The following PHYH variants were observed in gnomAD, a reference collection of about 807,000 sequenced individuals.
The protein encoded by PHYH is phytanoyl-CoA 2-hydroxylase.
Under a neutral mutation model 38.5 loss-of-function variants are expected in PHYH, and 32 were observed. The ratio of observed to expected loss-of-function variants is 0.83; its 90% CI spans 0.63 to 1.12. The LOEUF (loss-of-function observed/expected upper bound fraction) is 1.12. Among genes scored for constraint, PHYH ranks in the 50% most tolerant of loss-of-function variants. PHYH has a pLI of 0.00. For missense variants in PHYH, 426 were observed against 434.8 expected (o/e 0.98, Z 0.18); for synonymous variants, 166 against 157.9 (o/e 1.05, Z -0.38).
At chr10:13,282,994 C>T (rs199669169) in intron 7 of PHYH, among the ~76,000 whole-genome samples, 60 of 79,706 alleles carry the variant, frequency 7.5e-4, no homozygotes, top group African/African-American at 3.2e-3. Context: ...GTGATTTTTT[C>T]TTTTTTAGTA....
intron 2 of PHYH, among the ~76,000 whole-genome samples, chr10:13,297,229 T>C (rs941908977): frequency 2.8e-4 from 43 of 152,158 alleles, no homozygotes; most frequent in African/African-American, 1.0e-3. Flanking sequence ...ATTGTATATT[T>C]TTAACTGTCC....
At chr10:13,291,788 C>A in intron 5 of PHYH, 43 bp downstream of exon 5, 1 of 1,353,412 alleles carries the variant, frequency 7.4e-7, no homozygotes, top group African/African-American at 1.4e-5. Flanking sequence ...CAACCTTACA[C>A]ATTTTAATGA....
chr10:13,280,957 C>T lies in PHYH; in HGVS notation c.963+19G>A, dbSNP rs1299040981. On this transcript the variant is annotated intron_variant, in intron 8 of 8. Transcript: ENST00000263038. ...AGAAAAACCTGAGATTTTTACCTTG[C>T]TATTGTATACAAACATACCTTCAAG... 1.2e-6 allele frequency: 2 copies of T among 1,611,774 alleles called. No homozygotes were observed. The highest frequency in any genetic ancestry group is 1.7e-6 in the Non-Finnish European group (2 of 1,178,020).
At chr10:13,287,058 C>T (rs547909502) in intron 6 of PHYH, among the ~76,000 whole-genome samples, 2 of 152,196 alleles carry the variant, frequency 1.3e-5, no homozygotes, top group African/African-American at 4.8e-5. Flanking sequence ...AAAAGCTCTT[C>T]AGCCAGGTGT....
chr10:13,284,661 A>G (rs1337697274), intron 6 of PHYH, among the ~76,000 whole-genome samples: 1 of 152,210 alleles, frequency 6.6e-6, no homozygotes, highest in Non-Finnish European at 1.5e-5. Context: ...CACTTATGTT[A>G]CATCCAGAAT....
chr10:13,291,000 G>A (rs1001953283), intron 5 of PHYH, among the ~76,000 whole-genome samples: 2 of 150,898 alleles, frequency 1.3e-5, no homozygotes, highest in Non-Finnish European at 2.9e-5. Context: ...GGGAGACTGA[G>A]GCAGGAGAAT....
chr10:13,295,395 C>T, intron 3 of PHYH, 101 bp downstream of exon 3: 2 of 743,010 alleles, frequency 2.7e-6, no homozygotes, highest in South Asian at 2.9e-5. Context: ...CAAACCAAAT[C>T]ATTAAAAAAC....
chr10:13,295,336 A>G (rs1301392674), intron 3 of PHYH, 160 bp downstream of exon 3: 5 of 607,672 alleles, frequency 8.2e-6, no homozygotes, highest in Non-Finnish European at 1.5e-5. Flanking sequence ...TCTATAAAAA[A>G]TAAAAAGCCA....
intron 5 of PHYH, among the ~76,000 whole-genome samples, chr10:13,290,608 A>C (rs1022067917): frequency 6.6e-6 from 1 of 152,004 alleles, no homozygotes; most frequent in African/African-American, 2.4e-5. Context: ...TCTGCACTAC[A>C]ATCTCTGGAC....
At chr10:13,298,878 G>C (rs1023132478) in intron 1 of PHYH, among the ~76,000 whole-genome samples, 1 of 145,434 alleles carries the variant, frequency 6.9e-6, no homozygotes, top group African/African-American at 2.5e-5. Context: ...TGCAGAGTGC[G>C]GCACTGCACT....
chr10:13,283,153 C>A (rs1250908857), intron 7 of PHYH, among the ~76,000 whole-genome samples: 1 of 31,284 alleles, frequency 3.2e-5, no homozygotes, highest in Non-Finnish European at 5.6e-5. Context: ...TTTTTTGAGA[C>A]GGAGTCTCGC....
rs367762012 is a variant in PHYH at position 13,294,445 on chromosome 10, A to G, written c.397T>C (p.Tyr133His). The G allele has an allele frequency of 2.8e-5, 45 of 1,614,014 alleles. No individual in the cohort carries two copies. Among genetic ancestry groups the G allele is most frequent in the Admixed American group, 3.3e-5 (2 of 59,992 alleles). Residue 133 changes from tyrosine to histidine, a missense_variant, in exon 4 of 9, where the codon TAC (tyrosine) becomes CAC (histidine). By Grantham distance (83) the Tyr-to-His change is moderately conservative. Coordinates refer to ENST00000263038, the MANE Select transcript of PHYH (RefSeq NM_006214.4). ...TCTCTGACCTCGGGGAGAGTGCAGT[A>G]TCTGAAGAGCTCCTTATCTTCCTGG... ...DFQEDKELFR[Y>H]CTLPEILKYV...
intron 2 of PHYH, among the ~76,000 whole-genome samples, chr10:13,296,564 G>GAAAAA (rs1219238482): frequency 5.9e-5 from 4 of 68,266 alleles, no homozygotes; most frequent in Non-Finnish European, 9.4e-5. Flanking sequence ...CTCCATCTCA[G>GAAAAA]AAAAAAAAAA....
intron 2 of PHYH, among the ~76,000 whole-genome samples, chr10:13,296,393 A>G (rs2131657266): frequency 1.3e-5 from 2 of 151,520 alleles, no homozygotes; most frequent in Admixed American, 1.3e-4. Flanking sequence ...CCTGACTCAC[A>G]TGATGAAACC....
intron 7 of PHYH, among the ~76,000 whole-genome samples, chr10:13,281,720 G>C (rs1335898758): frequency 6.6e-6 from 1 of 152,180 alleles, no homozygotes; most frequent in Non-Finnish European, 1.5e-5. Context: ...ACAGATCTAA[G>C]CTGCAAGGCA....
At chr10:13,296,704 G>A (rs973636432) in intron 2 of PHYH, among the ~76,000 whole-genome samples, 2 of 151,880 alleles carry the variant, frequency 1.3e-5, no homozygotes, top group Admixed American at 6.6e-5. Flanking sequence ...GCTCATGCCT[G>A]TAATCCTAGC....
chr10:13,290,172 G>A (rs1453776022), intron 5 of PHYH, among the ~76,000 whole-genome samples: 2 of 142,468 alleles, frequency 1.4e-5, no homozygotes, highest in Admixed American at 1.4e-4. Flanking sequence ...GTGGGCACCT[G>A]TAATCCCAGC....
intron 2 of PHYH, among the ~76,000 whole-genome samples, chr10:13,296,767 T>C (rs949307547): frequency 6.0e-5 from 9 of 150,776 alleles, no homozygotes; most frequent in East Asian, 2.0e-4. Flanking sequence ...CCATCCTGGC[T>C]AACACGGTGA....
chr10:13,278,231 G>A lies in PHYH; in HGVS notation c.*70C>T. The A allele has an allele frequency of 2.9e-6, 3 of 1,047,970 alleles. No homozygotes were observed. Among genetic ancestry groups the A allele is most frequent in the South Asian group, 1.3e-5 (1 of 78,930 alleles). 64.9% of individuals were successfully genotyped at this position (1,047,970 alleles called of 1,614,324 possible). On this transcript the variant is annotated 3_prime_UTR_variant, in exon 9 of 9. Coordinates refer to ENST00000263038, the MANE Select transcript of PHYH (RefSeq NM_006214.4). ...AGAAAAGGTTACATCATCTCATTAA[G>A]AAAACATTTTCCTTAGACATTTCGT...
Sources: allele counts gnomAD v4.1 joint callset (sites outside exome capture counted in the v4.1 genomes callset), GRCh38; gene constraint gnomAD v4.1.1; transcripts MANE v1.5; gene names NCBI Gene and HGNC (gene_info 2026-07-23, HGNC 2026-07-21).